The following NCOR2 variants were observed in gnomAD, a reference collection of about 807,000 sequenced individuals.
NCOR2 encodes the protein CTG repeat protein 26.
Under a neutral mutation model 262.9 loss-of-function variants are expected in NCOR2, and 81 were observed. That is an observed-to-expected ratio of 0.31 (90% CI 0.26 to 0.37). The LOEUF is 0.37. Among genes scored for constraint, NCOR2 ranks in the 10% least tolerant of loss-of-function variants. NCOR2 has a pLI of 1.00. For missense variants in NCOR2, 3,385 were observed against 3,621.4 expected (o/e 0.93, Z 1.68); for synonymous variants, 1,659 against 1,559.3 (o/e 1.06, Z -1.51).
At chr12:124,473,829 C>G (rs898458330) in intron 3 of NCOR2, among the ~76,000 whole-genome samples, 1 of 152,096 alleles carries the variant, frequency 6.6e-6, no homozygotes, top group Non-Finnish European at 1.5e-5. Context: ...TACACACCCC[C>G]TCCCCAATAC....
At chr12:124,476,417 T>G (rs1424177230) in intron 3 of NCOR2, among the ~76,000 whole-genome samples, 1 of 152,166 alleles carries the variant, frequency 6.6e-6, no homozygotes, top group Non-Finnish European at 1.5e-5. Context: ...CTATCTCTGC[T>G]CTTCCACCTG....
At chr12:124,556,646 G>A (rs558414387) in intron 1 of NCOR2, among the ~76,000 whole-genome samples, 1 of 152,306 alleles carries the variant, frequency 6.6e-6, no homozygotes, top group South Asian at 2.1e-4. Context: ...GATCACCTGA[G>A]GTCAGGAGTT....
chr12:124,367,015 G>A (rs1338070837), intron 20 of NCOR2, among the ~76,000 whole-genome samples: 1 of 152,178 alleles, frequency 6.6e-6, no homozygotes, highest in Non-Finnish European at 1.5e-5. Context: ...TTTTAAGGTT[G>A]AAATGCAAAC....
rs762881328 is a variant in NCOR2, at chr12:124,481,228, G to T, written c.411+2368C>A. Among the ~76,000 whole-genome samples, 10 of 152,060 alleles carry T rather than the reference G, an allele frequency of 6.6e-5. No homozygotes were observed. The highest frequency in any genetic ancestry group is 1.3e-4 in the Non-Finnish European group (9 of 67,962). On this transcript the variant is annotated intron_variant, in intron 3 of 46. Coordinates refer to ENST00000405201, the Ensembl canonical transcript of NCOR2. The surrounding 1 kb of genome is among the most constrained non-coding windows in gnomAD (Gnocchi z 4.6). ...AAGGGCAGGAAGGATGTGCTGGAAG[G>T]GTTGGGCGTCGGGGCAGGGATGCTG... is the stretch of plus-strand genomic sequence containing the variant.
At chr12:124,499,191 G>A (rs755469781), upstream of NCOR2, among the ~76,000 whole-genome samples, 8 of 152,272 alleles carry the variant, frequency 5.3e-5, no homozygotes, top group Non-Finnish European at 1.2e-4. Flanking sequence ...GGACGAGGGA[G>A]CCCCTCCAGG....
In NCOR2 at chr12:124,481,139, T is replaced by G. The variant is rs1332222234; in HGVS notation, c.411+2457A>C. Among the ~76,000 whole-genome samples, 6 of 129,632 alleles carry G rather than the reference T, an allele frequency of 4.6e-5. No individual in the cohort carries two copies. The highest frequency in any genetic ancestry group is 2.5e-4 in the South Asian group (1 of 4,070). 85.0% of individuals were successfully genotyped at this position (129,632 alleles called of 152,430 possible). ...GAGCAGGACAGGGGGGCTGTTTGGG[T>G]GGAAAGAAAGAGAGGGAGGAAGAAG... On this transcript the variant is annotated intron_variant, in intron 3 of 46. Transcript: ENST00000405201. The surrounding 1 kb of genome is among the most constrained non-coding windows in gnomAD (Gnocchi z 4.6).
Position 124,483,911 on chromosome 12 carries a change from C to T in NCOR2, c.234-138G>A, listed in dbSNP as rs751918543. On this transcript the variant is annotated intron_variant, in intron 2 of 46. Transcript: ENST00000405201. The surrounding 1 kb of genome is among the most constrained non-coding windows in gnomAD (Gnocchi z 6.3). The stretch of plus-strand genomic sequence containing the variant: ...CCTGCCAGGAAGGTGCTCACAGGAG[C>T]CCACCTCCCACGGTCCCACAGCAGG... 4.1e-6 allele frequency: 4 copies of T among 986,010 alleles called. No homozygotes were observed. Among genetic ancestry groups the T allele is most frequent in the Non-Finnish European group, 5.6e-6 (4 of 711,192 alleles). The allele number at this position is 986,010 out of a possible 1,614,324, so 61.1% of individuals were successfully genotyped here. A position where few individuals can be genotyped will look rare whatever the true frequency, so the allele number is the denominator to read the frequency against.
At chr12:124,419,663 G>A (rs2043103155) in intron 13 of NCOR2, among the ~76,000 whole-genome samples, 1 of 152,244 alleles carries the variant, frequency 6.6e-6, no homozygotes, top group South Asian at 2.1e-4. Context: ...AGGTCACCCA[G>A]TCAGGAGTCT....
At chr12:124,327,045 G>A (rs2034724335) in intron 45 of NCOR2, among the ~76,000 whole-genome samples, 1 of 152,184 alleles carries the variant, frequency 6.6e-6, no homozygotes. Flanking sequence ...ACACAGTGTG[G>A]GTGGGGCTTC....
intron 3 of NCOR2, among the ~76,000 whole-genome samples, chr12:124,478,316 G>A (rs1356302601): frequency 2.0e-5 from 3 of 152,198 alleles, no homozygotes; most frequent in Non-Finnish European, 4.4e-5. Context: ...GTTTATATTT[G>A]ATAGGGGCTG....
At chr12:124,384,338 A>ACCAGAAGGCCCGAAGCAT (rs1221776141) in intron 17 of NCOR2, among the ~76,000 whole-genome samples, 3 of 152,316 alleles carry the variant, frequency 2.0e-5, no homozygotes, top group East Asian at 3.9e-4. Context: ...TCCACACCCA[A>ACCAGAAGGCCCGAAGCAT]CCAGAAGGCC....
At chr12:124,410,350 G>A (rs182220611) in intron 13 of NCOR2, among the ~76,000 whole-genome samples, 102 of 151,254 alleles carry the variant, frequency 6.7e-4, no homozygotes, top group African/African-American at 2.3e-3. Context: ...CCTGGGCTCC[G>A]GCCCACTCAC....
rs747469159 is a variant in NCOR2 at position 124,348,198 on chromosome 12, C to T, written c.3961G>A (p.Ala1321Thr). The T allele has an allele frequency of 1.2e-5, 20 of 1,612,032 alleles. No individual in the cohort carries two copies. The East Asian group carries it at 4.5e-4, about 36-fold the overall frequency. The stretch of plus-strand genomic sequence containing the variant: ...CCTTCGATGCTGGCTGAGGAGATGG[C>T]TCTGCCCACGCGGCCCTCCATCATG... The change falls in exon 29 of 47, where the codon GCC becomes ACC. Residue 1321 changes from alanine (A) to threonine (T), a missense_variant. This residue lies in a region of NCOR2 where 1,615 missense variants were observed against 1,626.9 expected (regional missense o/e 0.99). Coordinates refer to ENST00000405201, the Ensembl canonical transcript of NCOR2.
At chr12:124,437,983 G>C in exon 8 of NCOR2, 1 of 1,610,874 alleles carries the variant, frequency 6.2e-7, no homozygotes, top group Non-Finnish European at 8.5e-7. Context: ...AGCTTCTTCC[G>C]CATCGCCTGG....
chr12:124,467,776 A>C (rs1593680507), intron 4 of NCOR2, among the ~76,000 whole-genome samples: 1 of 41,422 alleles, frequency 2.4e-5, no homozygotes, highest in African/African-American at 9.1e-5. Context: ...CATCACCCTC[A>C]TCATCCTTAT....
At chr12:124,374,528 G>C in intron 18 of NCOR2, 65 bp from the exon 21 acceptor site, 1 of 1,506,306 alleles carries the variant, frequency 6.6e-7, no homozygotes, top group Non-Finnish European at 9.1e-7. Flanking sequence ...GGAGGGAGGA[G>C]GCAACGTGGC....
chr12:124,506,545 C>CG (rs1350340095), intron 1 of NCOR2, among the ~76,000 whole-genome samples: 1 of 150,962 alleles, frequency 6.6e-6, no homozygotes, highest in African/African-American at 2.4e-5. Context: ...GCAGGACGAA[C>CG]CCTCCCTGCA....
At chr12:124,416,716 G>T (rs143606982) in intron 13 of NCOR2, among the ~76,000 whole-genome samples, 1 of 139,440 alleles carries the variant, frequency 7.2e-6, no homozygotes, top group Non-Finnish European at 1.5e-5. Context: ...GATAGAACCC[G>T]CGGCACAGGG....
intron 1 of NCOR2, among the ~76,000 whole-genome samples, chr12:124,525,539 C>T (rs2050419075): frequency 6.6e-6 from 1 of 152,248 alleles, no homozygotes; most frequent in Non-Finnish European, 1.5e-5. Context: ...CGTGGGGACA[C>T]CAATCTGGCT....
Sources: allele counts gnomAD v4.1 joint callset (sites outside exome capture counted in the v4.1 genomes callset), GRCh38; gene constraint gnomAD v4.1.1; regional missense constraint gnomAD v4.1.1; non-coding constraint Gnocchi (gnomAD v3.1); transcripts MANE v1.5; gene names NCBI Gene and HGNC (gene_info 2026-07-23, HGNC 2026-07-21).